The following QTMAN variants were observed in gnomAD, a reference collection of about 807,000 sequenced individuals.
QTMAN encodes tRNA-queuosine alpha-mannosyltransferase.
chr2:144,246,710 T>C, the QTMAN span, among the ~76,000 whole-genome samples: 1 of 152,156 alleles, frequency 6.6e-6, no homozygotes, highest in Non-Finnish European at 1.5e-5. Flanking sequence ...TGGACATAGA[T>C]GCCTTCATTC....
the QTMAN span, among the ~76,000 whole-genome samples, chr2:144,198,751 TA>T: frequency 6.6e-6 from 1 of 152,294 alleles, no homozygotes; most frequent in Non-Finnish European, 1.5e-5. Flanking sequence ...TCACCTATAG[TA>T]AAAGCTCTAC....
chr2:144,177,262 A>C, the QTMAN span: 4 of 665,994 alleles, frequency 6.0e-6, no homozygotes, highest in Non-Finnish European at 8.0e-6. Flanking sequence ...TAAAAAAAAA[A>C]AAAACATTGT....
the QTMAN span, among the ~76,000 whole-genome samples, chr2:144,031,191 A>T: frequency 6.8e-6 from 1 of 147,260 alleles, no homozygotes; most frequent in African/African-American, 2.5e-5. Context: ...GACAACTGTT[A>T]TTTTTTTTTT....
At chr2:144,259,815 C>A in the QTMAN span, among the ~76,000 whole-genome samples, 1 of 152,136 alleles carries the variant, frequency 6.6e-6, no homozygotes, top group Non-Finnish European at 1.5e-5. Flanking sequence ...GTTCCCCAGA[C>A]TGGAATTTTC....
chr2:144,023,534 T>C, the QTMAN span, among the ~76,000 whole-genome samples: 2 of 152,212 alleles, frequency 1.3e-5, no homozygotes, highest in Non-Finnish European at 2.9e-5. Flanking sequence ...ATCACAACAA[T>C]CCATGGTCTT....
At chr2:143,943,111 G>T in the QTMAN span, 2 of 151,476 alleles carry the variant, frequency 1.3e-5, no homozygotes, top group Non-Finnish European at 2.9e-5. Context: ...AACCATTATT[G>T]TAAGTTTGGT....
chr2:144,164,059 A>ACTGTGCG, the QTMAN span, among the ~76,000 whole-genome samples: 61 of 152,190 alleles, frequency 4.0e-4, no homozygotes, highest in South Asian at 0.012. Context: ...AGTAGCTGGG[A>ACTGTGCG]CCACAGGTGT....
At chr2:144,297,051 C>T in the QTMAN span, among the ~76,000 whole-genome samples, 1 of 152,092 alleles carries the variant, frequency 6.6e-6, no homozygotes, top group Non-Finnish European at 1.5e-5. Flanking sequence ...TCCTCTGATA[C>T]TAAGGAATGC....
At chr2:144,075,965 T>A in the QTMAN span, among the ~76,000 whole-genome samples, 2 of 152,344 alleles carry the variant, frequency 1.3e-5, no homozygotes, top group South Asian at 4.1e-4. Context: ...ATGTCTTATG[T>A]ATGCCGGGTG....
the QTMAN span, among the ~76,000 whole-genome samples, chr2:144,187,607 G>A: frequency 3.9e-5 from 6 of 152,224 alleles, no homozygotes; most frequent in South Asian, 2.1e-4. Context: ...ATCTTACAGC[G>A]TCTTCTGGTT....
chr2:144,044,490 G>A, the QTMAN span, among the ~76,000 whole-genome samples: 1 of 152,110 alleles, frequency 6.6e-6, no homozygotes, highest in African/African-American at 2.4e-5. Context: ...TCATGAGTAA[G>A]AACTTGGGGA....
chr2:144,130,410 C>T, the QTMAN span, among the ~76,000 whole-genome samples: 3 of 151,834 alleles, frequency 2.0e-5, no homozygotes, highest in East Asian at 5.8e-4. Flanking sequence ...GAGAAAGCAA[C>T]TGTTAATCAA....
At chr2:144,133,132 T>TATATATATATATATATATAATATAATATA in the QTMAN span, among the ~76,000 whole-genome samples, 2 of 40,450 alleles carry the variant, frequency 4.9e-5, no homozygotes, top group African/African-American at 2.6e-4. Flanking sequence ...TATATATATA[T>TATATATATATATATATATAATATAATATA]ATATATATAT....
chr2:144,241,102 AGCACTG>A, the QTMAN span, among the ~76,000 whole-genome samples: 1 of 152,366 alleles, frequency 6.6e-6, no homozygotes, highest in African/African-American at 2.4e-5. Flanking sequence ...TATGCCAGAA[AGCACTG>A]GTTCTCGAAG....
chr2:144,177,153 T>C, the QTMAN span: 7 of 702,166 alleles, frequency 1.0e-5, no homozygotes, highest in East Asian at 1.6e-4. Flanking sequence ...TTGGTGATTA[T>C]AATTCTGCAT....
At chr2:144,145,983 T>TAAGAAAAAAAAAAA in the QTMAN span, 3 of 19,472 alleles carry the variant, frequency 1.5e-4, no homozygotes, top group South Asian at 2.9e-3. Context: ...TGAGAAATGT[T>TAAGAAAAAAAAAAA]AAAAAAAAAA....
At chr2:144,038,996 T>C in the QTMAN span, among the ~76,000 whole-genome samples, 6 of 152,218 alleles carry the variant, frequency 3.9e-5, no homozygotes. Context: ...ACCATAGAAT[T>C]TGAGACCTGC....
chr2:144,045,285 C>T, the QTMAN span, among the ~76,000 whole-genome samples: 1 of 152,192 alleles, frequency 6.6e-6, no homozygotes, highest in Non-Finnish European at 1.5e-5. Context: ...ATGTCTACAT[C>T]GGAAGTGTGT....
the QTMAN span, among the ~76,000 whole-genome samples, chr2:144,133,142 T>TTTAC: frequency 2.4e-4 from 13 of 54,180 alleles, no homozygotes; most frequent in African/African-American, 1.5e-3. Flanking sequence ...TATATATATA[T>TTTAC]ATATATATAA....
Sources: allele counts gnomAD v4.1 joint callset (sites outside exome capture counted in the v4.1 genomes callset), GRCh38; gene constraint gnomAD v4.1.1; transcripts MANE v1.5; gene names NCBI Gene and HGNC (gene_info 2026-07-23, HGNC 2026-07-21).